Variants in SYNJ1 observed in about 807,000 individuals in gnomAD.
SYNJ1 encodes the protein polyphosphatidylinositol phosphatase SYNJ1.
In SYNJ1, 78 loss-of-function variants were observed where a neutral mutation model predicts 168.2. The ratio of observed to expected loss-of-function variants is 0.46; its 90% CI spans 0.39 to 0.56. SYNJ1 has a LOEUF of 0.56. Ranked by LOEUF, SYNJ1 falls within the 20% of genes least tolerant of loss-of-function variation. The pLI, the probability that SYNJ1 is intolerant of heterozygous loss-of-function variation, is 0.00. For missense variants in SYNJ1, 1,303 were observed against 1,597.6 expected (o/e 0.82, Z 3.14); for synonymous variants, 539 against 548.6 (o/e 0.98, Z 0.24).
At chr21:32,685,641 T>G (rs914922943) in intron 9 of SYNJ1, 107 bp downstream of exon 9, 2 of 700,126 alleles carry the variant, frequency 2.9e-6, no homozygotes, top group Non-Finnish European at 3.9e-6. Context: ...TTAAAAGATA[T>G]TTAATTATAA....
At chr21:32,665,185 C>T in intron 17 of SYNJ1, 114 bp from the exon 18 acceptor site, 1 of 1,111,202 alleles carries the variant, frequency 9.0e-7, no homozygotes, top group Non-Finnish European at 1.2e-6. Context: ...GTTTCTTTGA[C>T]CCAACAGTAA....
chr21:32,643,540 T>C lies in SYNJ1; in HGVS notation c.3431-83A>G, dbSNP rs112678632. 15 of 1,410,508 alleles carry C rather than the reference T, an allele frequency of 1.1e-5. No homozygotes were observed. The African/African-American group carries it at 1.4e-4, about 13-fold the overall frequency. The allele number at this position is 1,410,508 out of a possible 1,614,324, so 87.4% of individuals were successfully genotyped here. A position where few individuals can be genotyped will look rare whatever the true frequency, so the allele number is the denominator to read the frequency against. On this transcript the variant is annotated intron_variant, in intron 26 of 32. Transcript: ENST00000674351. ...AGGCAGGCACACAAGACAATTTCCA[T>C]AGTAAACTCACTTTTGCAAAAAGGC...
chr21:32,653,472 A>G, intron 21 of SYNJ1, 106 bp from the exon 22 acceptor site: 3 of 872,996 alleles, frequency 3.4e-6, no homozygotes. Flanking sequence ...AGAGGCCAGG[A>G]AGTAAAAAGT....
chr21:32,640,365 C>G (rs1198759643), intron 29 of SYNJ1, among the ~76,000 whole-genome samples: 1 of 151,868 alleles, frequency 6.6e-6, no homozygotes, highest in Non-Finnish European at 1.5e-5. Context: ...GGCACAATCT[C>G]TGCTCACTGC....
Position 32,665,062 on chromosome 21 carries a change from G to C in SYNJ1, c.2155C>G (p.Leu719Val). Reference protein sequence around the residue: ...RKLSFPMGRMLFSHDYVFWCG... With the variant: ...RKLSFPMGRMVFSHDYVFWCG... ...CAAAATACATAGTCATGGGAAAATA[G>C]CATCCTTCCCTGAAAGCAATGAGAT... Residue 719 changes from leucine to valine, a missense_variant, in exon 18 of 33, where the codon CTA becomes GTA. Coordinates refer to ENST00000674351, the MANE Select transcript of SYNJ1 (RefSeq NM_203446.3). 1.3e-6 allele frequency: 2 copies of C among 1,592,086 alleles called. No individual in the cohort carries two copies. The highest frequency in any genetic ancestry group is 2.7e-5 in the African/African-American group (2 of 74,118).
At chr21:32,631,934 G>T in intron 32 of SYNJ1, 133 bp from the exon 33 acceptor site, 2 of 775,314 alleles carry the variant, frequency 2.6e-6, no homozygotes, top group Non-Finnish European at 3.9e-6. Context: ...GCTTTGTGTA[G>T]TTTGTTACTC....
intron 6 of SYNJ1, among the ~76,000 whole-genome samples, chr21:32,688,921 A>G (rs2041925631): frequency 6.6e-6 from 1 of 152,210 alleles, no homozygotes. Flanking sequence ...GTTCCACCAA[A>G]TTGAGAATAT....
intron 18 of SYNJ1, among the ~76,000 whole-genome samples, chr21:32,659,091 A>C (rs886942358): frequency 2.0e-5 from 3 of 151,214 alleles, no homozygotes; most frequent in Non-Finnish European, 4.4e-5. Flanking sequence ...TGATCCTTTT[A>C]CCTAAAAAAA....
chr21:32,633,527 C>G (rs772981722), intron 32 of SYNJ1, among the ~76,000 whole-genome samples: 2 of 151,760 alleles, frequency 1.3e-5, no homozygotes. Context: ...GGGTTGGATA[C>G]GATAGGGCAA....
chr21:32,697,427 C>G (rs2042248379), intron 4 of SYNJ1, among the ~76,000 whole-genome samples: 1 of 152,094 alleles, frequency 6.6e-6, no homozygotes, highest in African/African-American at 2.4e-5. Context: ...TTTGTTCAAC[C>G]TGTCTCCTGC....
chr21:32,639,091 C>T lies in SYNJ1; in HGVS notation c.3732G>A (p.Gln1244=), dbSNP rs765653482. ...AAGAAGACTGCGGAGGAAAAGCAGC[C>T]TGAGGCTTCAGTGGTTCAGGAAGGA... ...STFLPEPLKP[Q]AAFPPQSSLP... Residue 1244 remains glutamine (Q), a synonymous_variant, in exon 31 of 33, where the codon CAG becomes CAA. Coordinates refer to ENST00000674351, the MANE Select transcript of SYNJ1 (RefSeq NM_203446.3). The T allele has an allele frequency of 7.4e-6, 12 of 1,613,660 alleles. No homozygotes were observed. The highest frequency in any genetic ancestry group is 5.0e-5 in the Admixed American group (3 of 59,988).
chr21:32,695,059 G>C lies in SYNJ1; in HGVS notation c.703C>G (p.Gln235Glu). 2 of 1,613,822 alleles carry C rather than the reference G, an allele frequency of 1.2e-6. No individual in the cohort carries two copies. Among genetic ancestry groups the C allele is most frequent in the Non-Finnish European group, 1.7e-6 (2 of 1,179,806 alleles). Residue 235 changes from glutamine to glutamate, a missense_variant and splice_region_variant, in exon 5 of 33, where the codon CAG becomes GAG. By Grantham distance (29) the Gln-to-Glu change is conservative (BLOSUM62 2). This residue lies in a region of SYNJ1 where 920 missense variants were observed against 1,208.8 expected (regional missense o/e 0.76). Coordinates refer to ENST00000674351, the MANE Select transcript of SYNJ1 (RefSeq NM_203446.3). ...GTAATATAAAACACTATATATACCT[G>C]TTCTGTTTCTACAAAATTGGCAACA... The part of the protein sequence containing the change: ...GHVANFVETE[Q>E]VVYLDDSVSS...
At chr21:32,650,098 A>G in intron 23 of SYNJ1, 86 bp downstream of exon 23, 1 of 1,468,326 alleles carries the variant, frequency 6.8e-7, no homozygotes, top group Non-Finnish European at 9.1e-7. Context: ...GAAGAAGAAG[A>G]AAGATGAACT....
chr21:32,727,768 C>T, intron 1 of SYNJ1, 178 bp downstream of exon 1: 1 of 1,331,128 alleles, frequency 7.5e-7, no homozygotes, highest in Non-Finnish European at 9.8e-7. Flanking sequence ...CGGCACCCCG[C>T]ACAACCAGTG....
At chr21:32,715,463 G>A (rs1358799705) in intron 2 of SYNJ1, among the ~76,000 whole-genome samples, 1 of 150,334 alleles carries the variant, frequency 6.7e-6, no homozygotes, top group Non-Finnish European at 1.5e-5. Context: ...AACAAAGTGA[G>A]ACTCTGTCTC....
At chr21:32,688,912 T>G (rs142037811) in intron 6 of SYNJ1, among the ~76,000 whole-genome samples, 2 of 152,234 alleles carry the variant, frequency 1.3e-5, no homozygotes, top group Non-Finnish European at 2.9e-5. Flanking sequence ...CACACCAAAG[T>G]TCCACCAAAT....
intron 12 of SYNJ1, among the ~76,000 whole-genome samples, chr21:32,677,257 G>A (rs567733706): frequency 9.2e-5 from 14 of 152,218 alleles, no homozygotes; most frequent in African/African-American, 3.4e-4. Context: ...TCTGCTGGGT[G>A]CACTTTTCTG....
intron 2 of SYNJ1, among the ~76,000 whole-genome samples, chr21:32,705,389 G>C (rs2042571282): frequency 6.6e-6 from 1 of 152,152 alleles, no homozygotes; most frequent in African/African-American, 2.4e-5. Flanking sequence ...ATTCCTTGGA[G>C]AAATGGTTGA....
chr21:32,695,081 A>T lies in SYNJ1; in HGVS notation c.681T>A (p.Val227=). ...CCTGTTCTGTTTCTACAAAATTGGC[A>T]ACATGACCATCATCATTTGTTCCCC... ...NVRGTNDDGH[V]ANFVETEQVV... Residue 227 remains valine (V), a synonymous_variant, in exon 5 of 33, where the codon GTT becomes GTA. Transcript: ENST00000674351. 2 of 1,614,210 alleles carry T rather than the reference A, an allele frequency of 1.2e-6. No individual in the cohort carries two copies. The highest frequency in any genetic ancestry group is 1.7e-6 in the Non-Finnish European group (2 of 1,180,028).
Sources: allele counts gnomAD v4.1 joint callset (sites outside exome capture counted in the v4.1 genomes callset), GRCh38; gene constraint gnomAD v4.1.1; regional missense constraint gnomAD v4.1.1; transcripts MANE v1.5; gene names NCBI Gene and HGNC (gene_info 2026-07-23, HGNC 2026-07-21).